GRID1: variants seen among roughly 807,000 people sequenced by gnomAD.
GRID1 encodes glutamate ionotropic receptor delta type subunit 1, also known as glutamate receptor ionotropic, delta-1.
GRID1 carries 28 observed loss-of-function variants against 98.0 expected under a neutral mutation model. That is an observed-to-expected ratio of 0.29 (90% CI 0.21 to 0.39). The LOEUF (loss-of-function observed/expected upper bound fraction) is 0.39, where lower values mean the gene tolerates loss of function less well. GRID1 is among the 10% of genes least tolerant of loss of function. GRID1 has a pLI of 1.00. For synonymous variants in GRID1, 553 were observed against 538.5 expected (o/e 1.03, Z -0.37); for missense variants, 1,111 against 1,340.5 (o/e 0.83, Z 2.67).
chr10:86,234,963 G>A (rs1589421067), intron 2 of GRID1, among the ~76,000 whole-genome samples: 1 of 152,360 alleles, frequency 6.6e-6, no homozygotes, highest in East Asian at 1.9e-4. Flanking sequence ...GGAGGGAGGT[G>A]CAGGGGAGAG....
chr10:85,675,116 C>T (rs987243836), intron 12 of GRID1, among the ~76,000 whole-genome samples: 26 of 152,036 alleles, frequency 1.7e-4, no homozygotes, highest in Non-Finnish European at 2.9e-5. Flanking sequence ...AGGAAAATTG[C>T]CCAGAAAAAA....
At chr10:86,128,601 G>A (rs1202730426) in intron 4 of GRID1, among the ~76,000 whole-genome samples, 1 of 152,146 alleles carries the variant, frequency 6.6e-6, no homozygotes, top group African/African-American at 2.4e-5. Context: ...CAACAGGGAG[G>A]TGAAGCATAC....
chr10:85,822,903 C>T (rs1015461527), intron 8 of GRID1, among the ~76,000 whole-genome samples: 1 of 152,158 alleles, frequency 6.6e-6, no homozygotes, highest in Non-Finnish European at 1.5e-5. Flanking sequence ...ATGGATGAAG[C>T]TAGAAACCAT....
chr10:85,866,165 T>G (rs895459662), intron 6 of GRID1, among the ~76,000 whole-genome samples: 4 of 150,952 alleles, frequency 2.6e-5, no homozygotes, highest in African/African-American at 9.7e-5. Context: ...AAGCTATGAT[T>G]GAGTACCCAT....
chr10:86,026,642 T>G (rs1843120472), intron 4 of GRID1, among the ~76,000 whole-genome samples: 1 of 152,230 alleles, frequency 6.6e-6, no homozygotes, highest in Non-Finnish European at 1.5e-5. Flanking sequence ...CACACTCAGC[T>G]TCTACTCTTT....
chr10:86,232,728 C>G (rs1005116473), intron 2 of GRID1, among the ~76,000 whole-genome samples: 1 of 152,228 alleles, frequency 6.6e-6, no homozygotes, highest in African/African-American at 2.4e-5. Flanking sequence ...GTATTTTTCA[C>G]TATCCATCTT....
chr10:85,902,213 G>GT (rs908450673), intron 5 of GRID1, among the ~76,000 whole-genome samples: 22 of 152,178 alleles, frequency 1.4e-4, no homozygotes, highest in African/African-American at 5.1e-4. Flanking sequence ...ATATACTATA[G>GT]TTTTTTCTAT....
At chr10:86,310,364 T>C (rs906749353) in intron 2 of GRID1, among the ~76,000 whole-genome samples, 2 of 152,148 alleles carry the variant, frequency 1.3e-5, no homozygotes, top group Admixed American at 6.5e-5. Flanking sequence ...CTTTATATAC[T>C]TGGCCATTGT....
intron 8 of GRID1, among the ~76,000 whole-genome samples, chr10:85,839,601 T>A (rs1175134595): frequency 2.0e-5 from 3 of 152,126 alleles, no homozygotes; most frequent in Non-Finnish European, 4.4e-5. Flanking sequence ...TGTACCAGAA[T>A]CTCTCAGACA....
chr10:86,065,318 C>T (rs561371304), intron 4 of GRID1, among the ~76,000 whole-genome samples: 38 of 152,348 alleles, frequency 2.5e-4, no homozygotes, highest in African/African-American at 9.1e-4. Flanking sequence ...GCAGCAAGCC[C>T]TCCAGGGGAT....
At chr10:86,032,313 C>T (rs1008711807) in intron 4 of GRID1, among the ~76,000 whole-genome samples, 73 of 152,208 alleles carry the variant, frequency 4.8e-4, no homozygotes, top group African/African-American at 1.3e-3. Context: ...GCTGCCACCC[C>T]ATCTGGGAGG....
At chr10:85,737,765 T>C (rs763217985) in intron 8 of GRID1, among the ~76,000 whole-genome samples, 12 of 148,332 alleles carry the variant, frequency 8.1e-5, no homozygotes, top group Non-Finnish European at 1.8e-4. Flanking sequence ...ACCATATATA[T>C]ATGTATAACC....
At chr10:85,804,672 C>T (rs991189513) in intron 8 of GRID1, among the ~76,000 whole-genome samples, 1 of 151,542 alleles carries the variant, frequency 6.6e-6, no homozygotes, top group East Asian at 1.9e-4. Flanking sequence ...GTTGTTTTAC[C>T]TTTCAAAAAA....
intron 12 of GRID1, among the ~76,000 whole-genome samples, chr10:85,683,934 C>G (rs999594135): frequency 6.6e-6 from 1 of 152,156 alleles, no homozygotes; most frequent in Admixed American, 6.5e-5. Flanking sequence ...CATTCCACAA[C>G]CTTTCTGGCA....
intron 3 of GRID1, among the ~76,000 whole-genome samples, chr10:86,188,586 AG>A (rs1327821477): frequency 6.7e-6 from 1 of 150,084 alleles, no homozygotes; most frequent in East Asian, 2.0e-4. Context: ...GAGGGCTGGG[AG>A]GGGTGGGGAC....
chr10:86,322,102 C>T (rs1847978627), intron 2 of GRID1, among the ~76,000 whole-genome samples: 1 of 151,948 alleles, frequency 6.6e-6, no homozygotes, highest in South Asian at 2.1e-4. Context: ...GATCTGGGAA[C>T]CAAACATTTC....
intron 13 of GRID1, among the ~76,000 whole-genome samples, chr10:85,632,518 T>A (rs542751170): frequency 6.6e-6 from 1 of 152,098 alleles, no homozygotes; most frequent in African/African-American, 2.4e-5. Flanking sequence ...GCTGGCGGTG[T>A]TGGAACAAGG....
Position 86,195,718 on chromosome 10 carries a change from A to G in GRID1, c.520+10646T>C, listed in dbSNP as rs1474047541. On this transcript the variant is annotated intron_variant, in intron 3 of 15. Coordinates refer to ENST00000327946, the MANE Select transcript of GRID1 (RefSeq NM_017551.3). The surrounding 1 kb of genome is among the most constrained non-coding windows in gnomAD (Gnocchi z 4.4). ...TGGGTACGTGAAGGGCTGAGAGGAGACATAATGTTACCCACATGGCTGTGT... is the reference window on the plus strand; with the variant it reads ...TGGGTACGTGAAGGGCTGAGAGGAGGCATAATGTTACCCACATGGCTGTGT... Among the ~76,000 whole-genome samples the G allele has an allele frequency of 6.6e-6, 1 of 152,110 alleles. No homozygotes were observed. The highest frequency in any genetic ancestry group is 1.5e-5 in the Non-Finnish European group (1 of 67,986).
intron 4 of GRID1, among the ~76,000 whole-genome samples, chr10:85,945,314 T>C (rs778612438): frequency 1.1e-4 from 17 of 152,378 alleles, no homozygotes; most frequent in Non-Finnish European, 1.8e-4. Flanking sequence ...TGCTCCATTA[T>C]AAACAATTTA....
Sources: gnomAD v4.1 joint callset for allele counts (sites outside exome capture counted in the v4.1 genomes callset) on GRCh38, gnomAD v4.1.1 for gene constraint, Gnocchi (gnomAD v3.1) non-coding constraint, MANE v1.5 for transcripts, NCBI Gene and HGNC (gene_info 2026-07-23, HGNC 2026-07-21) for gene names.